The following DOCK5 variants were observed in gnomAD, a reference collection of about 807,000 sequenced individuals.
The protein encoded by DOCK5 is dedicator of cytokinesis 5.
In DOCK5, 142 loss-of-function variants were observed where a neutral mutation model predicts 251.8. The observed-to-expected ratio is 0.56, with a 90% CI of 0.49 to 0.65. The LOEUF is 0.65. Ranked by LOEUF, DOCK5 falls within the 30% of genes least tolerant of loss-of-function variation. DOCK5 has a pLI of 0.00. For missense variants in DOCK5, 2,111 were observed against 2,312.3 expected (o/e 0.91, Z 1.79); for synonymous variants, 842 against 835.5 (o/e 1.01, Z -0.13).
intron 1 of DOCK5, among the ~76,000 whole-genome samples, chr8:25,241,259 G>A (rs1802935679): frequency 6.6e-6 from 1 of 152,120 alleles, no homozygotes; most frequent in East Asian, 1.9e-4. Flanking sequence ...GGTGGATCAC[G>A]AGGTTAGGAG....
intron 5 of DOCK5, among the ~76,000 whole-genome samples, chr8:25,290,224 G>A (rs1424115349): frequency 6.6e-6 from 1 of 151,862 alleles, no homozygotes; most frequent in Non-Finnish European, 1.5e-5. Flanking sequence ...TTAGGTCAGG[G>A]GTGTCCAATC....
At chr8:25,278,397 T>C (rs1221176865) in intron 4 of DOCK5, among the ~76,000 whole-genome samples, 172 bp from the exon 5 acceptor site, 1 of 152,116 alleles carries the variant, frequency 6.6e-6, no homozygotes, top group East Asian at 1.9e-4. Flanking sequence ...GCTGCCTTAC[T>C]CTCCTTCTCT....
At chr8:25,250,023 C>T (rs1040978171) in intron 2 of DOCK5, among the ~76,000 whole-genome samples, 11 of 152,236 alleles carry the variant, frequency 7.2e-5, no homozygotes, top group Non-Finnish European at 1.2e-4. Context: ...AATACTGCTG[C>T]AAACATTTGC....
intron 34 of DOCK5, among the ~76,000 whole-genome samples, chr8:25,370,228 G>A (rs892006107): frequency 2.0e-5 from 3 of 152,222 alleles, no homozygotes; most frequent in African/African-American, 7.2e-5. Flanking sequence ...GAGTAATGAA[G>A]AGTGGGAAAG....
At chr8:25,296,370 A>G in intron 6 of DOCK5, 143 bp from the exon 7 acceptor site, 1 of 1,052,914 alleles carries the variant, frequency 9.5e-7, no homozygotes, top group Non-Finnish European at 1.3e-6. Context: ...CTGAAATGAG[A>G]AAAGTCAATG....
At chr8:25,386,506 G>A (rs1216639855) in intron 40 of DOCK5, among the ~76,000 whole-genome samples, 1 of 152,204 alleles carries the variant, frequency 6.6e-6, no homozygotes, top group African/African-American at 2.4e-5. Flanking sequence ...GCTGAGGCAG[G>A]AGGATTGCTT....
intron 5 of DOCK5, among the ~76,000 whole-genome samples, chr8:25,279,303 C>T (rs184572548): frequency 1.2e-4 from 18 of 152,218 alleles, no homozygotes; most frequent in Admixed American, 8.5e-4. Flanking sequence ...ACATCCTCTC[C>T]GTAATAAACA....
chr8:25,245,626 A>G (rs751434564), intron 2 of DOCK5, among the ~76,000 whole-genome samples: 8 of 148,856 alleles, frequency 5.4e-5, no homozygotes, highest in Non-Finnish European at 1.2e-4. Context: ...TGCAACCTCC[A>G]CGTCCTGGGT....
In DOCK5 at chr8:25,292,252, G is replaced by A. The variant is rs180702408; in HGVS notation, c.470+80G>A. 1,458 of 1,404,150 alleles carry A rather than the reference G, an allele frequency of 1.0e-3. 3 individuals carry two copies. Among genetic ancestry groups the A allele is most frequent in the Non-Finnish European group, 1.3e-3 (1,333 of 1,065,760 alleles). The allele number at this position is 1,404,150 out of a possible 1,614,324, so 87.0% of individuals were successfully genotyped here. ...TCACGCTAATGACACTGTTTGCAGC[G>A]ACCTTTGATCTTAGAGTTGCCAAAG... On this transcript the variant is annotated intron_variant, in intron 6 of 51. Transcript: ENST00000276440.
chr8:25,259,815 T>C (rs886900720), intron 2 of DOCK5, among the ~76,000 whole-genome samples: 1 of 152,222 alleles, frequency 6.6e-6, no homozygotes, highest in African/African-American at 2.4e-5. Context: ...TTCTTTCCAA[T>C]ATCTGGCTAT....
rs1563309184 is a variant in DOCK5 at position 25,210,043 on chromosome 8, T to TAAAAAA, written c.43+25092_43+25093insAAAAAA. On this transcript the variant is annotated intron_variant, in intron 1 of 51. Transcript: ENST00000276440. The stretch of plus-strand genomic sequence containing the variant: ...ATATATATATATATATAAATGTGTG[T>TAAAAAA]GTGTGTGTGTGTGTGTGTGTGTGTG... 1.2e-4 allele frequency among the ~76,000 whole-genome samples: 3 copies of TAAAAAA among 25,198 alleles called. 1 individual carries two copies. The highest frequency in any genetic ancestry group is 4.2e-4 in the African/African-American group (3 of 7,152). 16.5% of individuals were successfully genotyped at this position (25,198 alleles called of 152,430 possible).
intron 1 of DOCK5, among the ~76,000 whole-genome samples, chr8:25,213,814 C>A (rs971910660): frequency 2.0e-5 from 3 of 152,114 alleles, no homozygotes; most frequent in Non-Finnish European, 4.4e-5. Flanking sequence ...GGTGGAGTGT[C>A]CTCTTTAGAT....
At chr8:25,197,768 T>TTTTTTTG (rs1563304515) in intron 1 of DOCK5, among the ~76,000 whole-genome samples, 2 of 148,166 alleles carry the variant, frequency 1.3e-5, no homozygotes, top group African/African-American at 2.5e-5. Flanking sequence ...TTTTTTTTTT[T>TTTTTTTG]GAGACGGAGT....
At chr8:25,250,772 T>A (rs1011686096) in intron 2 of DOCK5, among the ~76,000 whole-genome samples, 2 of 152,090 alleles carry the variant, frequency 1.3e-5, no homozygotes, top group Non-Finnish European at 2.9e-5. Flanking sequence ...TTACAAATGC[T>A]ATGGGGAGAA....
chr8:25,369,447 C>A, intron 33 of DOCK5, 109 bp from the exon 34 acceptor site: 2 of 852,150 alleles, frequency 2.3e-6, no homozygotes, highest in Non-Finnish European at 3.7e-6. Flanking sequence ...CCTGTCTGTG[C>A]TGGAAACAGT....
Position 25,317,186 on chromosome 8 carries a change from G to A in DOCK5, c.1443+55G>A, listed in dbSNP as rs1210968311. 10 of 1,590,880 alleles carry A rather than the reference G, an allele frequency of 6.3e-6. No individual in the cohort carries two copies. In the East Asian group the frequency reaches 1.1e-4, roughly 18 times the overall value. On this transcript the variant is annotated intron_variant, in intron 14 of 51. Transcript: ENST00000276440. ...CCATCGCATCCGTCTTTACAATCAC[G>A]ATAGAATCTTGGCCGTATTTTAATT... is the stretch of plus-strand genomic sequence containing the variant.
chr8:25,241,248 G>GGGATTACAGCACTTTGGGA (rs1802935321), intron 1 of DOCK5, among the ~76,000 whole-genome samples: 2 of 152,072 alleles, frequency 1.3e-5, no homozygotes, highest in Non-Finnish European at 1.5e-5. Flanking sequence ...AGGCTGAGGC[G>GGGATTACAGCACTTTGGGA]GGTGGATCAC....
intron 42 of DOCK5, among the ~76,000 whole-genome samples, chr8:25,391,322 G>A (rs908758419): frequency 5.9e-5 from 9 of 151,538 alleles, no homozygotes; most frequent in South Asian, 2.1e-4. Flanking sequence ...TCTGCCTCCC[G>A]AAGTGGTAGG....
At chr8:25,382,283 G>A (rs1360197089) in intron 39 of DOCK5, among the ~76,000 whole-genome samples, 1 of 152,182 alleles carries the variant, frequency 6.6e-6, no homozygotes, top group Admixed American at 6.6e-5. Flanking sequence ...GGCCTTGGAA[G>A]GTTCTTTATC....
Sources: gnomAD v4.1 joint callset for allele counts (sites outside exome capture counted in the v4.1 genomes callset) on GRCh38, gnomAD v4.1.1 for gene constraint, MANE v1.5 for transcripts, NCBI Gene and HGNC (gene_info 2026-07-23, HGNC 2026-07-21) for gene names.